The following CHST9 variants were observed in gnomAD, a reference collection of about 807,000 sequenced individuals.
The protein encoded by CHST9 is GalNAc-4-sulfotransferase 2.
A neutral mutation model predicts 44.4 loss-of-function variants in CHST9; 41 were observed. The ratio of observed to expected loss-of-function variants is 0.92; its 90% confidence interval spans 0.72 to 1.20. CHST9 has a LOEUF of 1.20. Among genes scored for constraint, CHST9 ranks in the 50% most tolerant of loss-of-function variants. CHST9 has a pLI of 0.00. For synonymous variants in CHST9, 171 were observed against 178.4 expected, an observed-to-expected ratio of 0.96 and a Z score of 0.33; for missense variants, 504 against 516.5, an observed-to-expected ratio of 0.98 and a Z score of 0.23.
intron 4 of CHST9, among the ~76,000 whole-genome samples, chr18:26,966,581 A>C (rs2056467890): frequency 6.6e-6 from 1 of 152,142 alleles, no homozygotes; most frequent in South Asian, 2.1e-4. Context: ...CTCTTACTAC[A>C]CACACGTTCA....
chr18:27,014,968 C>G (rs955279043), intron 4 of CHST9, among the ~76,000 whole-genome samples: 1 of 152,088 alleles, frequency 6.6e-6, no homozygotes, highest in Non-Finnish European at 1.5e-5. Context: ...GGACTCTGCC[C>G]TGCATTCCTT....
At chr18:27,178,678 T>G (rs543290331) in intron 1 of CHST9, among the ~76,000 whole-genome samples, 1 of 152,136 alleles carries the variant, frequency 6.6e-6, no homozygotes, top group South Asian at 2.1e-4. Flanking sequence ...GAGATGTTGG[T>G]GTGCTTTTAG....
intron 2 of CHST9, among the ~76,000 whole-genome samples, chr18:27,051,729 C>A (rs559899493): frequency 2.6e-5 from 4 of 152,296 alleles, no homozygotes; most frequent in African/African-American, 7.2e-5. Context: ...GTTGGCTATT[C>A]CAGAGTCCCC....
chr18:26,937,012 A>G (rs541991610), intron 5 of CHST9, among the ~76,000 whole-genome samples: 1 of 152,354 alleles, frequency 6.6e-6, no homozygotes, highest in South Asian at 2.1e-4. Flanking sequence ...TTTTAGAAGT[A>G]ACATGCTTTT....
At chr18:26,946,494 C>T (rs1309068215) in intron 4 of CHST9, among the ~76,000 whole-genome samples, 2 of 152,102 alleles carry the variant, frequency 1.3e-5, no homozygotes, top group Admixed American at 6.5e-5. Flanking sequence ...GTCAGGTAGA[C>T]CATTTTTGGG....
At chr18:27,172,942 C>T (rs1241773829) in intron 1 of CHST9, among the ~76,000 whole-genome samples, 1 of 151,808 alleles carries the variant, frequency 6.6e-6, no homozygotes, top group Non-Finnish European at 1.5e-5. Context: ...ATTAAGTTAC[C>T]ACACATATCT....
intron 2 of CHST9, among the ~76,000 whole-genome samples, chr18:27,054,682 T>G (rs1355645066): frequency 6.6e-6 from 1 of 152,140 alleles, no homozygotes; most frequent in African/African-American, 2.4e-5. Context: ...CAGTGATTGT[T>G]TCTGATCTTT....
At chr18:27,061,503 G>A (rs911129848) in intron 2 of CHST9, among the ~76,000 whole-genome samples, 2 of 152,112 alleles carry the variant, frequency 1.3e-5, no homozygotes, top group Non-Finnish European at 2.9e-5. Flanking sequence ...AAGGTGAGGA[G>A]GGCCCAGGTG....
At chr18:27,101,474 T>C (rs1598725393) in intron 2 of CHST9, among the ~76,000 whole-genome samples, 1 of 98,486 alleles carries the variant, frequency 1.0e-5, no homozygotes, top group Non-Finnish European at 1.9e-5. Flanking sequence ...GCGCCTGTAG[T>C]CCCAGCTACT....
chr18:27,137,645 A>T (rs1466029650), intron 2 of CHST9, among the ~76,000 whole-genome samples: 3 of 152,116 alleles, frequency 2.0e-5, no homozygotes, highest in Non-Finnish European at 4.4e-5. Flanking sequence ...TGATTGAAAA[A>T]TTTTAAACAT....
At chr18:27,052,280 A>G (rs12961665) in intron 2 of CHST9, among the ~76,000 whole-genome samples, 3 of 69,448 alleles carry the variant, frequency 4.3e-5, no homozygotes, top group South Asian at 2.8e-4. Context: ...ATATATATGT[A>G]TATATATGTG....
intron 5 of CHST9, among the ~76,000 whole-genome samples, chr18:26,918,194 C>A (rs1234274800): frequency 6.6e-6 from 1 of 152,086 alleles, no homozygotes; most frequent in South Asian, 2.1e-4. Context: ...AAGGTGGCAT[C>A]CTCTGGTAGG....
intron 5 of CHST9, among the ~76,000 whole-genome samples, chr18:26,938,935 G>C (rs1468629588): frequency 2.0e-5 from 3 of 152,134 alleles, no homozygotes; most frequent in Non-Finnish European, 4.4e-5. Flanking sequence ...GGTGTATAGG[G>C]AGTAGACTCT....
chr18:27,014,068 T>A (rs562603796), intron 4 of CHST9, among the ~76,000 whole-genome samples: 1 of 152,118 alleles, frequency 6.6e-6, no homozygotes, highest in Non-Finnish European at 1.5e-5. Flanking sequence ...ATTCAAGAAC[T>A]CTGCAACCAG....
chr18:26,947,748 CAG>C (rs1261638786), intron 4 of CHST9, among the ~76,000 whole-genome samples: 1 of 152,152 alleles, frequency 6.6e-6, no homozygotes, highest in African/African-American at 2.4e-5. Flanking sequence ...TCAGGAACAA[CAG>C]GTGCTGGAGA....
chr18:27,065,214 A>G (rs918868304), intron 2 of CHST9, among the ~76,000 whole-genome samples: 1 of 152,190 alleles, frequency 6.6e-6, no homozygotes, highest in African/African-American at 2.4e-5. Flanking sequence ...CTTTCAGAGG[A>G]ATGTAAGAAT....
At position 26,964,143 on chromosome 18, in the gene CHST9, G is replaced by C. The variant is rs186642691; in HGVS notation, c.203-19777C>G. ...CACAAGTTGGACAACATTTATTAAC[G>C]TTCTAATGCTTTATAAAAATTGGAG... On this transcript the variant is annotated intron_variant, in intron 4 of 5. Transcript: ENST00000618847. 3.3e-5 allele frequency among the ~76,000 whole-genome samples: 5 copies of C among 152,266 alleles called. No individual in the cohort carries two copies. In the East Asian group the frequency reaches 9.6e-4, roughly 29 times the overall value.
chr18:26,974,278 T>C (rs1217933930), intron 4 of CHST9, among the ~76,000 whole-genome samples: 2 of 152,160 alleles, frequency 1.3e-5, no homozygotes, highest in Non-Finnish European at 2.9e-5. Flanking sequence ...GCAAAGATGG[T>C]TAACTAGGTG....
chr18:27,062,033 A>G (rs1422508759), intron 2 of CHST9, among the ~76,000 whole-genome samples: 1 of 152,112 alleles, frequency 6.6e-6, no homozygotes, highest in African/African-American at 2.4e-5. Context: ...CGTTAAGTCC[A>G]CAAATACCCC....
Sources: gnomAD v4.1 joint callset for allele counts (sites outside exome capture counted in the v4.1 genomes callset) on GRCh38, gnomAD v4.1.1 for gene constraint, MANE v1.5 for transcripts, NCBI Gene and HGNC (gene_info 2026-07-23, HGNC 2026-07-21) for gene names.